The following GREB1 variants were observed in gnomAD, a reference collection of about 807,000 sequenced individuals.
GREB1 encodes the protein protein GREB1.
In GREB1, 106 loss-of-function variants were observed where a neutral mutation model predicts 200.7. The observed-to-expected ratio is 0.53, with a 90% CI of 0.45 to 0.62. GREB1 has a LOEUF of 0.62. Among genes scored for constraint, GREB1 ranks in the 20% least tolerant of loss-of-function variants. GREB1 has a pLI of 0.00. For synonymous variants in GREB1, 1,132 were observed against 1,092.4 expected (o/e 1.04, Z -0.72); for missense variants, 2,243 against 2,556.8 (o/e 0.88, Z 2.65).
Position 11,640,646 on chromosome 2 carries a change from G to T in GREB1, c.*192G>T. On this transcript the variant is annotated 3_prime_UTR_variant, in exon 33 of 33. Transcript: ENST00000381486. The surrounding 1 kb of genome is among the most constrained non-coding windows in gnomAD (Gnocchi z 4.6). ...GAGCCAGGAAGACTCCGCAGTGGGT[G>T]AGAATGAAAACTTGAGACTCCCAAG... The T allele has an allele frequency of 1.7e-6, 1 of 602,852 alleles. No homozygotes were observed. Among genetic ancestry groups the T allele is most frequent in the Non-Finnish European group, 2.8e-6 (1 of 353,358 alleles). 37.3% of individuals were successfully genotyped at this position (602,852 alleles called of 1,614,324 possible).
chr2:11,603,697 C>T (rs953658637), intron 17 of GREB1, among the ~76,000 whole-genome samples: 1 of 152,218 alleles, frequency 6.6e-6, no homozygotes, highest in Non-Finnish European at 1.5e-5. Context: ...CAGCTGAGCT[C>T]TCATCAACTG....
intron 2 of GREB1, chr2:11,561,686 G>C (rs1466351951): frequency 6.6e-6 from 1 of 152,068 alleles, no homozygotes; most frequent in Non-Finnish European, 1.5e-5. Flanking sequence ...GTATTCCCAG[G>C]TGGTCTCCCA....
In GREB1 at chr2:11,538,738, CCCTTCCTTCTTT is replaced by C. The variant is rs1446568055; in HGVS notation, c.-162+4493_-162+4504del. Reference sequence around the variant, plus strand: ...CCTCCCTCCCCCTCTCTCTCACTTTCCCTTCCTTCTTTCCTTCCTTTCTTCCTTCCTTCCTTC... The same window carrying C: ...CCTCCCTCCCCCTCTCTCTCACTTTCCCTTCCTTTCTTCCTTCCTTCCTTC... On this transcript the variant is annotated intron_variant, in intron 1 of 32. Coordinates refer to ENST00000381486, the MANE Select transcript of GREB1 (RefSeq NM_014668.4). 1.2e-3 allele frequency among the ~76,000 whole-genome samples: 140 copies of C among 115,930 alleles called. 9 individuals carry two copies. Among genetic ancestry groups the C allele is most frequent in the African/African-American group, 4.8e-3 (129 of 27,046 alleles). 76.1% of individuals were successfully genotyped at this position (115,930 alleles called of 152,430 possible). A position where few individuals can be genotyped will look rare whatever the true frequency, so the allele number is the denominator to read the frequency against.
At chr2:11,578,035 G>A (rs1219324220) in intron 5 of GREB1, among the ~76,000 whole-genome samples, 1 of 152,204 alleles carries the variant, frequency 6.6e-6, no homozygotes, top group Non-Finnish European at 1.5e-5. Context: ...TGACTTATTT[G>A]TGTAATTTTT....
chr2:11,628,064 G>A (rs2148407329), intron 25 of GREB1, among the ~76,000 whole-genome samples: 1 of 152,250 alleles, frequency 6.6e-6, no homozygotes, highest in Non-Finnish European at 1.5e-5. Flanking sequence ...CGGAGGGCAG[G>A]CAGAGGCCAG....
At chr2:11,506,766 G>A (rs13428964) in intron 1 of GREB1, among the ~76,000 whole-genome samples, 61,640 of 151,882 alleles carry the variant, frequency 0.41, 13,116 homozygotes, top group Middle Eastern at 0.57. Context: ...GCAGAGCAGC[G>A]TGGAACCCTG....
intron 1 of GREB1, among the ~76,000 whole-genome samples, chr2:11,484,133 T>G (rs60118168): frequency 0.022 from 3,294 of 152,280 alleles, 58 homozygotes; most frequent in African/African-American, 0.055. Context: ...AAAGGCCAAT[T>G]AGAATTCCAC....
intron 1 of GREB1, among the ~76,000 whole-genome samples, chr2:11,526,374 T>G (rs1254196729): frequency 6.6e-6 from 1 of 152,214 alleles, no homozygotes; most frequent in African/African-American, 2.4e-5. Context: ...GCTTAACTAC[T>G]TACTAGTTAT....
At chr2:11,522,116 T>C (rs1299353011) in intron 1 of GREB1, among the ~76,000 whole-genome samples, 1 of 152,238 alleles carries the variant, frequency 6.6e-6, no homozygotes, top group African/African-American at 2.4e-5. Flanking sequence ...TCAGGCATTC[T>C]GCACAACTCC....
In GREB1 at chr2:11,491,853, G is replaced by A. The variant is rs543889531; in HGVS notation, c.-159+9472G>A. On this transcript the variant is annotated intron_variant, in intron 1 of 2. Coordinates refer to the GREB1 transcript ENST00000628795. ...AGCTCATTGACATATTTGGATGCCT[G>A]GTTTCTGCCTTGTTCTAATGCTTGG... Among the ~76,000 whole-genome samples, 33 of 152,166 alleles carry A rather than the reference G, an allele frequency of 2.2e-4. 1 individual carries two copies. The highest frequency in any genetic ancestry group is 1.3e-4 in the Non-Finnish European group (9 of 68,002).
chr2:11,580,454 A>G lies in GREB1; in HGVS notation c.773-250A>G, dbSNP rs893953113. ...TGTGTATGTGTGTACATGTTTGTGC[A>G]TGTGTATCCTTGTGTGTAGGCAGAA... On this transcript the variant is annotated intron_variant, in intron 6 of 32. Transcript: ENST00000381486. The surrounding 1 kb of genome is among the most constrained non-coding windows in gnomAD (Gnocchi z 4.5). Among the ~76,000 whole-genome samples, 8 of 152,024 alleles carry G rather than the reference A, an allele frequency of 5.3e-5. No homozygotes were observed. The highest frequency in any genetic ancestry group is 1.7e-4 in the African/African-American group (7 of 41,390).
Position 11,618,724 on chromosome 2 carries a change from C to T in GREB1, c.3849C>T (p.Leu1283=). The part of the protein sequence containing the change: ...DSSGLPKAAS[L]LPSPSVMWAS... ...GTGGCCTGCCCAAGGCCGCCTCCCT[C>T]CTGCCCTCCCCCTCGGTCATGTGGG... Residue 1283 remains leucine (L), a synonymous_variant, in exon 22 of 33, where the codon CTC becomes CTT. Transcript: ENST00000381486. 6.2e-7 allele frequency: 1 copy of T among 1,613,650 alleles called. No individual in the cohort carries two copies. The highest frequency in any genetic ancestry group is 1.3e-5 in the African/African-American group (1 of 75,068).
intron 23 of GREB1, among the ~76,000 whole-genome samples, chr2:11,622,542 A>T (rs781621292): frequency 1.3e-5 from 2 of 152,216 alleles, no homozygotes; most frequent in Non-Finnish European, 2.9e-5. Flanking sequence ...CTTAGTAAGC[A>T]CCATAGACTA....
intron 9 of GREB1, 119 bp downstream of exon 9, chr2:11,586,024 C>T (rs1186479745): frequency 9.7e-7 from 1 of 1,029,578 alleles, no homozygotes; most frequent in Non-Finnish European, 1.5e-6. Flanking sequence ...TGAGACAAAC[C>T]TAAAATGCTT....
intron 4 of GREB1, among the ~76,000 whole-genome samples, chr2:11,572,999 A>C (rs1448511462): frequency 6.6e-6 from 1 of 152,222 alleles, no homozygotes; most frequent in East Asian, 1.9e-4. Context: ...TGCCTGGCCC[A>C]TGATAGGTGC....
intron 1 of GREB1, among the ~76,000 whole-genome samples, chr2:11,484,906 C>T (rs558703917): frequency 1.1e-4 from 17 of 152,354 alleles, no homozygotes; most frequent in African/African-American, 3.6e-4. Context: ...AGTACAGTGG[C>T]GCAATCTCGG....
chr2:11,620,880 G>A, intron 22 of GREB1, 25 bp from the exon 23 acceptor site: 1 of 1,428,678 alleles, frequency 7.0e-7, no homozygotes, highest in Non-Finnish European at 9.9e-7. Flanking sequence ...CCTCACTGGG[G>A]GTTTTAACTC....
Position 11,634,116 on chromosome 2 carries a change from C to G in GREB1, c.4992-15C>G, listed in dbSNP as rs139425767. 1.2e-6 allele frequency: 2 copies of G among 1,612,696 alleles called. No individual in the cohort carries two copies. The highest frequency in any genetic ancestry group is 1.1e-5 in the South Asian group (1 of 91,050). ...GTGTGTCAGCCTAGGGACTCACTCT[C>G]CCTCCTTGGAGCAGGGAGTTCTCCT... On this transcript the variant is annotated splice_polypyrimidine_tract_variant and intron_variant, in intron 28 of 32. Transcript: ENST00000381486.
In GREB1 at chr2:11,580,841, G is replaced by A; in HGVS notation, c.901+9G>A. ...GCGACCATCGGCTTTAGGTAGCTCTGCCTGTCCTGGCCGTCCTGGGGATCC... is the reference window on the plus strand; with the variant it reads ...GCGACCATCGGCTTTAGGTAGCTCTACCTGTCCTGGCCGTCCTGGGGATCC... On this transcript the variant is annotated intron_variant, in intron 7 of 32. Coordinates refer to ENST00000381486, the MANE Select transcript of GREB1 (RefSeq NM_014668.4). This position sits in a 1 kb window ranked among gnomAD's most constrained non-coding sequence, Gnocchi z 4.5. 6.2e-7 allele frequency: 1 copy of A among 1,614,238 alleles called. No homozygotes were observed. Among genetic ancestry groups the A allele is most frequent in the East Asian group, 2.2e-5 (1 of 44,886 alleles).
Sources: allele counts gnomAD v4.1 joint callset (sites outside exome capture counted in the v4.1 genomes callset), GRCh38; gene constraint gnomAD v4.1.1; non-coding constraint Gnocchi (gnomAD v3.1); transcripts MANE v1.5; gene names NCBI Gene and HGNC (gene_info 2026-07-23, HGNC 2026-07-21).